EPC2: variants seen among roughly 807,000 people sequenced by gnomAD.
EPC2 encodes enhancer of polycomb homolog 2.
EPC2 carries 14 observed loss-of-function variants against 92.1 expected under a neutral mutation model. That is an observed-to-expected ratio of 0.15 (90% CI 0.10 to 0.24). The LOEUF (loss-of-function observed/expected upper bound fraction) is 0.24. Ranked by LOEUF, EPC2 falls within the 10% of genes least tolerant of loss-of-function variation. EPC2 has a pLI of 1.00. For missense variants in EPC2, 755 were observed against 971.5 expected (o/e 0.78, Z 2.96); for synonymous variants, 340 against 334.7 (o/e 1.02, Z -0.17).
intron 2 of EPC2, among the ~76,000 whole-genome samples, chr2:148,740,287 A>G (rs1682856842): frequency 6.6e-6 from 1 of 150,784 alleles, no homozygotes. Flanking sequence ...TGAAGTAATC[A>G]CTGCTTTTAA....
At chr2:148,695,557 C>G (rs1681729961) in intron 2 of EPC2, among the ~76,000 whole-genome samples, 1 of 152,236 alleles carries the variant, frequency 6.6e-6, no homozygotes, top group South Asian at 2.1e-4. Flanking sequence ...GGCCTGACAT[C>G]CAACTTCAGT....
At chr2:148,690,678 T>TC (rs1380507943) in intron 2 of EPC2, among the ~76,000 whole-genome samples, 7 of 152,178 alleles carry the variant, frequency 4.6e-5, no homozygotes, top group Admixed American at 4.6e-4. Flanking sequence ...TTTTTTTTTT[T>TC]CTTTGAGACA....
rs1222400047 is a variant in EPC2 at position 148,733,466 on chromosome 2, T to C, written c.314-10156T>C. Among the ~76,000 whole-genome samples the C allele has an allele frequency of 6.6e-5, 10 of 150,392 alleles. No homozygotes were observed. In the South Asian group the frequency reaches 2.1e-3, roughly 32 times the overall value. On this transcript the variant is annotated intron_variant, in intron 2 of 13. Coordinates refer to ENST00000258484, the MANE Select transcript of EPC2 (RefSeq NM_015630.4). ...TTTTTATTATTACCTTTCTCTTTTC[T>C]TTCTCTCTCTGGATTTTTTTTTTTT...
At chr2:148,685,513 C>T (rs1347301808) in intron 1 of EPC2, among the ~76,000 whole-genome samples, 1 of 152,214 alleles carries the variant, frequency 6.6e-6, no homozygotes, top group South Asian at 2.1e-4. Context: ...GTAATCCCAG[C>T]ACTTTGGGAG....
At chr2:148,721,677 G>A (rs1280173732) in intron 2 of EPC2, among the ~76,000 whole-genome samples, 6 of 146,462 alleles carry the variant, frequency 4.1e-5, no homozygotes, top group Non-Finnish European at 9.0e-5. Flanking sequence ...TTTGCATTAT[G>A]CATATTTATA....
At chr2:148,734,803 C>CTT (rs35981733) in intron 2 of EPC2, among the ~76,000 whole-genome samples, 48 of 137,958 alleles carry the variant, frequency 3.5e-4, no homozygotes, top group Admixed American at 1.2e-3. Flanking sequence ...GAATTGATTT[C>CTT]TTTTTTTTTT....
chr2:148,664,981 GTTTAAC>G (rs1681030591), intron 1 of EPC2, among the ~76,000 whole-genome samples: 1 of 152,126 alleles, frequency 6.6e-6, no homozygotes, highest in Non-Finnish European at 1.5e-5. Context: ...CATTTAAAAG[GTTTAAC>G]TTTAAAAAGG....
At chr2:148,750,685 T>C (rs747006963) in intron 3 of EPC2, among the ~76,000 whole-genome samples, 4 of 152,150 alleles carry the variant, frequency 2.6e-5, no homozygotes, top group Non-Finnish European at 4.4e-5. Flanking sequence ...TGTTATCTAT[T>C]TAGAATCATA....
At chr2:148,657,586 T>C (rs76814221) in intron 1 of EPC2, among the ~76,000 whole-genome samples, 5 of 151,870 alleles carry the variant, frequency 3.3e-5, no homozygotes, top group African/African-American at 1.2e-4. Context: ...GACCCAACTT[T>C]GAAAACCAGC....
intron 2 of EPC2, among the ~76,000 whole-genome samples, chr2:148,723,552 C>T (rs572775920): frequency 1.1e-4 from 17 of 152,246 alleles, no homozygotes; most frequent in South Asian, 1.0e-3. Context: ...GTTTTGGGTG[C>T]GATGCTTTTG....
chr2:148,657,555 T>G (rs1680828326), intron 1 of EPC2, among the ~76,000 whole-genome samples: 1 of 152,042 alleles, frequency 6.6e-6, no homozygotes, highest in African/African-American at 2.4e-5. Context: ...TCCCAGGTGA[T>G]CCTGGTGCTG....
At chr2:148,670,035 T>G (rs763235941) in intron 1 of EPC2, among the ~76,000 whole-genome samples, 1 of 152,168 alleles carries the variant, frequency 6.6e-6, no homozygotes, top group Admixed American at 6.5e-5. Flanking sequence ...TCCGTGCAGT[T>G]CTTTTCCTCT....
chr2:148,738,864 A>G (rs1191141677), intron 2 of EPC2, among the ~76,000 whole-genome samples: 1 of 152,196 alleles, frequency 6.6e-6, no homozygotes, highest in Non-Finnish European at 1.5e-5. Context: ...TTTGGCCTTC[A>G]TGGACATTCT....
At chr2:148,691,410 G>C (rs1327970813) in intron 2 of EPC2, 1 of 1,098,846 alleles carries the variant, frequency 9.1e-7, no homozygotes, top group African/African-American at 1.6e-5. Flanking sequence ...GAGAATCTCT[G>C]GGTGTGAAGT....
Position 148,775,864 on chromosome 2 carries a change from G to C in EPC2, c.1720+4477G>C, listed in dbSNP as rs750820706. On this transcript the variant is annotated intron_variant, in intron 10 of 13. Coordinates refer to ENST00000258484, the MANE Select transcript of EPC2 (RefSeq NM_015630.4). Reference sequence around the variant, plus strand: ...ACGATCTCGGCTCACTGCAAGCTCTGCCTCCCGGGTTCACGCCATTCTCCT... The same window carrying C: ...ACGATCTCGGCTCACTGCAAGCTCTCCCTCCCGGGTTCACGCCATTCTCCT... Among the ~76,000 whole-genome samples, 84 of 134,268 alleles carry C rather than the reference G, an allele frequency of 6.3e-4. 1 individual carries two copies. The highest frequency in any genetic ancestry group is 7.9e-4 in the Admixed American group (9 of 11,374). 88.1% of individuals were successfully genotyped at this position (134,268 alleles called of 152,430 possible).
chr2:148,702,707 C>G (rs1253126021), intron 2 of EPC2, among the ~76,000 whole-genome samples: 1 of 152,210 alleles, frequency 6.6e-6, no homozygotes, highest in Non-Finnish European at 1.5e-5. Context: ...AGGGACCACA[C>G]CTGTTGAATG....
chr2:148,667,888 TTTG>T (rs373872625), intron 1 of EPC2, among the ~76,000 whole-genome samples: 17 of 152,042 alleles, frequency 1.1e-4, no homozygotes, highest in Admixed American at 1.3e-4. Context: ...TCATACAGTT[TTTG>T]TTGTTGTTGT....
At chr2:148,646,180 G>T (rs1331939409) in intron 1 of EPC2, among the ~76,000 whole-genome samples, 1 of 152,110 alleles carries the variant, frequency 6.6e-6, no homozygotes, top group Non-Finnish European at 1.5e-5. Flanking sequence ...TCAACCTCGG[G>T]TGTGTGTGGA....
chr2:148,712,712 G>C (rs114506139), intron 2 of EPC2, among the ~76,000 whole-genome samples: 3,551 of 149,924 alleles, frequency 0.024, 48 homozygotes, highest in East Asian at 0.033. Context: ...CAGAGACTCC[G>C]TCTCTACAAA....
Sources: allele counts gnomAD v4.1 joint callset (sites outside exome capture counted in the v4.1 genomes callset), GRCh38; gene constraint gnomAD v4.1.1; transcripts MANE v1.5; gene names NCBI Gene and HGNC (gene_info 2026-07-23, HGNC 2026-07-21).